TSC2: variants seen among roughly 807,000 people sequenced by gnomAD.
The protein encoded by TSC2 is tuberin.
Under a neutral mutation model 202.2 loss-of-function variants are expected in TSC2, and 29 were observed. That is an observed-to-expected ratio of 0.14 (90% CI 0.11 to 0.20). TSC2 has a LOEUF of 0.20. Ranked by LOEUF, TSC2 falls within the 10% of genes least tolerant of loss-of-function variation. TSC2 has a pLI of 1.00. For missense variants in TSC2, 2,429 were observed against 2,420.0 expected, an observed-to-expected ratio of 1.00 and a Z score of -0.08; for synonymous variants, 1,349 against 1,044.0, an observed-to-expected ratio of 1.29 and a Z score of -5.63.
chr16:2,085,963 A>T (rs1449774327), intron 36 of TSC2, among the ~76,000 whole-genome samples: 1 of 151,998 alleles, frequency 6.6e-6, no homozygotes, highest in Non-Finnish European at 1.5e-5. Flanking sequence ...GTGTGCTTTG[A>T]GTGTGGAGCT....
chr16:2,088,893 A>ACACC lies in TSC2; in HGVS notation c.*286_*287insCCAC. ...CGCGTGCGCGCGCGCACACACACAC[A>ACACC]CACACAGTCACCTTCCTCCACCCTG... On this transcript the variant is annotated 3_prime_UTR_variant, in exon 42 of 42. Transcript: ENST00000219476. 2 of 445,728 alleles carry ACACC rather than the reference A, an allele frequency of 4.5e-6. No individual in the cohort carries two copies. The highest frequency in any genetic ancestry group is 8.2e-6 in the Non-Finnish European group (2 of 242,932). 27.6% of individuals were successfully genotyped at this position (445,728 alleles called of 1,614,324 possible). A position where few individuals can be genotyped will look rare whatever the true frequency, so the allele number is the denominator to read the frequency against.
At chr16:2,048,287 G>T (rs1567379055) in intron 1 of TSC2, 1 of 1,139,138 alleles carries the variant, frequency 8.8e-7, no homozygotes, top group Non-Finnish European at 1.3e-6. Context: ...GAGGAGAGAC[G>T]GCAAACGTCG....
chr16:2,084,572 C>A lies in TSC2; in HGVS notation c.4350C>A (p.Pro1450=), dbSNP rs767996683. Residue 1450 remains proline (P), a synonymous_variant, in exon 34 of 42, where the codon CCC becomes CCA. Coordinates refer to ENST00000219476, the MANE Select transcript of TSC2 (RefSeq NM_000548.5). The part of the protein sequence containing the change: ...QPEGPLPSSS[P]RSPSGLRPRG... ...AGGGTCCCTTGCCTTCCAGCTCCCC[C>A]CGCTCGCCCAGTGGCCTCCGGCCCC... 1.1e-5 allele frequency: 17 copies of A among 1,607,536 alleles called. No homozygotes were observed. In the South Asian group the frequency reaches 1.1e-4, roughly 10 times the overall value.
intron 12 of TSC2, 88 bp downstream of exon 12, chr16:2,062,096 G>A (rs949195273): frequency 4.4e-6 from 7 of 1,581,336 alleles, no homozygotes; most frequent in Non-Finnish European, 6.0e-6. Flanking sequence ...CTGAGCCTCA[G>A]AAGCCAAGGG....
chr16:2,073,287 C>T (rs762526045), intron 21 of TSC2, among the ~76,000 whole-genome samples: 37 of 152,216 alleles, frequency 2.4e-4, no homozygotes, highest in Non-Finnish European at 4.4e-4. Flanking sequence ...GTGGCCATGC[C>T]GGTTGGTGGA....
rs750572094 is a variant in TSC2 at position 2,072,800 on chromosome 16, C to G, written c.2221-49C>G. Reference sequence around the variant, plus strand: ...GCCTCCCCAGCCCCTCTGGCTACCCCGTGACCTGGCCGCTGGGGAGAGGTT... The same window carrying G: ...GCCTCCCCAGCCCCTCTGGCTACCCGGTGACCTGGCCGCTGGGGAGAGGTT... On this transcript the variant is annotated intron_variant, in intron 20 of 41. Coordinates refer to ENST00000219476, the MANE Select transcript of TSC2 (RefSeq NM_000548.5). The G allele has an allele frequency of 3.7e-6, 6 of 1,612,550 alleles. No individual in the cohort carries two copies. The South Asian group carries it at 5.5e-5, about 15-fold the overall frequency.
chr16:2,051,301 C>T (rs180816989), intron 3 of TSC2, among the ~76,000 whole-genome samples: 19 of 148,542 alleles, frequency 1.3e-4, no homozygotes, highest in East Asian at 1.2e-3. Flanking sequence ...GTCTGGGTGA[C>T]GGAGCAAGAC....
Position 2,079,015 on chromosome 16 carries a change from A to C in TSC2, c.2967-17A>C. The C allele has an allele frequency of 6.2e-7, 1 of 1,612,132 alleles. No individual in the cohort carries two copies. The highest frequency in any genetic ancestry group is 2.2e-5 in the East Asian group (1 of 44,878). ...CCTACCTGGCACCCTGACCCTGGTC[A>C]CGGCCTCTCCCTCCAGCAGGATACA... On this transcript the variant is annotated splice_polypyrimidine_tract_variant and intron_variant, in intron 26 of 41. Transcript: ENST00000219476. This position sits in a 1 kb window ranked among gnomAD's most constrained non-coding sequence, Gnocchi z 4.6.
At chr16:2,084,124 C>T in intron 33 of TSC2, 104 bp from the exon 34 acceptor site, 1 of 1,539,420 alleles carries the variant, frequency 6.5e-7, no homozygotes, top group Non-Finnish European at 8.8e-7. Context: ...TGGTCTGTGG[C>T]CCTGGGATGG....
At chr16:2,048,315 C>T (rs746761520) in intron 1 of TSC2, 2 of 999,658 alleles carry the variant, frequency 2.0e-6, no homozygotes, top group East Asian at 2.6e-5. Context: ...CAGGACTTCG[C>T]GGCGGCAGTC....
At chr16:2,075,990 C>T (rs928033163) in intron 23 of TSC2, 78 bp from the exon 24 acceptor site, 34 of 1,612,476 alleles carry the variant, frequency 2.1e-5, no homozygotes, top group Non-Finnish European at 2.8e-5. Flanking sequence ...GGCCTGAGCG[C>T]CTCGGTTTTT....
chr16:2,078,846 C>T lies in TSC2; in HGVS notation c.2967-186C>T, dbSNP rs1365129428. ...CTGGTCTTCCCCACCCAGCGTCTCC[C>T]CGTTCTCTGGGACAATGTGGTCCAC... On this transcript the variant is annotated intron_variant, in intron 26 of 41. Transcript: ENST00000219476. 8.3e-6 allele frequency: 6 copies of T among 726,138 alleles called. No homozygotes were observed. The South Asian group carries it at 1.0e-4, about 12-fold the overall frequency. The allele number at this position is 726,138 out of a possible 1,614,324, so 45.0% of individuals were successfully genotyped here.
At chr16:2,074,615 T>C in intron 22 of TSC2, 1 of 605,742 alleles carries the variant, frequency 1.7e-6, no homozygotes, top group Non-Finnish European at 2.9e-6. Context: ...CGCTCCTCCT[T>C]GAAGAAGCCT....
chr16:2,074,437 G>A (rs1286533758), intron 22 of TSC2, 48 bp downstream of exon 22: 1 of 1,599,970 alleles, frequency 6.3e-7, no homozygotes, highest in Non-Finnish European at 8.5e-7. Flanking sequence ...TTCGGGCTGT[G>A]TAACCTGTGC....
chr16:2,071,672 CTG>C, intron 18 of TSC2, 56 bp downstream of exon 18: 1 of 1,607,594 alleles, frequency 6.2e-7, no homozygotes. Context: ...GGCGCTGGGG[CTG>C]TGGTGGCGCT....
chr16:2,068,415 C>A (rs1187908681), intron 16 of TSC2: 1 of 152,140 alleles, frequency 6.6e-6, no homozygotes, highest in African/African-American at 2.4e-5. Flanking sequence ...GAGTGCCAGC[C>A]CCTGTGCAGG....
At position 2,061,989 on chromosome 16, in the gene TSC2, G is replaced by A. The variant is rs1596303733; in HGVS notation, c.1238G>A (p.Arg413Lys). The A allele has an allele frequency of 1.2e-6, 2 of 1,614,174 alleles. No individual in the cohort carries two copies. The highest frequency in any genetic ancestry group is 3.3e-4 in the Middle Eastern group (2 of 6,062). The change falls in exon 12 of 42, where the codon AGA becomes AAA. Residue 413 changes from arginine to lysine, a missense_variant. Transcript: ENST00000219476. ...SQERYFELVE[R>K]CADQRPESSL... Reference sequence around the variant, plus strand: ...GAGAGATACTTTGAACTGGTGGAGAGATGTGCGGACCAGAGGCCTGTGAGA... The same window carrying A: ...GAGAGATACTTTGAACTGGTGGAGAAATGTGCGGACCAGAGGCCTGTGAGA...
At chr16:2,076,351 A>G (rs2089365303) in intron 24 of TSC2, 140 bp from the exon 25 acceptor site, 3 of 1,568,892 alleles carry the variant, frequency 1.9e-6, no homozygotes, top group Non-Finnish European at 2.6e-6. Context: ...CGCGGCAGGC[A>G]TTGAGGGGTG....
In TSC2 at chr16:2,084,296, C is replaced by A; in HGVS notation, c.4074C>A (p.Pro1358=). The part of the protein sequence containing the change: ...HAEELVGRGI[P]IERVVSSEGG... ...AGGAGCTGGTTGGCAGGGGCATCCC[C>A]ATCGAGCGAGTCGTCTCCTCGGAGG... Residue 1358 remains proline (P), a synonymous_variant, in exon 34 of 42, where the codon CCC becomes CCA. Transcript: ENST00000219476. 6.2e-7 allele frequency: 1 copy of A among 1,612,622 alleles called. No individual in the cohort carries two copies. The highest frequency in any genetic ancestry group is 2.2e-5 in the East Asian group (1 of 44,872).
Sources: gnomAD v4.1 joint callset for allele counts (sites outside exome capture counted in the v4.1 genomes callset) on GRCh38, gnomAD v4.1.1 for gene constraint, Gnocchi (gnomAD v3.1) non-coding constraint, MANE v1.5 for transcripts, NCBI Gene and HGNC (gene_info 2026-07-23, HGNC 2026-07-21) for gene names.